CPZ: variants seen among roughly 807,000 people sequenced by gnomAD.
CPZ encodes the protein carboxypeptidase Z.
CPZ carries 103 observed loss-of-function variants against 61.8 expected under a neutral mutation model. The ratio of observed to expected loss-of-function variants is 1.67; its 90% CI spans 1.42 to 1.96. The LOEUF is 1.96. Ranked by LOEUF, CPZ falls within the 30% of genes most tolerant of loss-of-function variation. The pLI is 0.00. For synonymous variants in CPZ, 551 were observed against 373.7 expected (o/e 1.47, Z -5.47); for missense variants, 1,461 against 914.9 (o/e 1.60, Z -7.70).
intron 10 of CPZ, 24 bp from the exon 11 acceptor site, chr4:8,619,238 C>A: frequency 1.3e-6 from 2 of 1,577,412 alleles, no homozygotes; most frequent in South Asian, 1.2e-5. Flanking sequence ...TCGTGAGAAT[C>A]ATTTTTAATC....
intron 7 of CPZ, among the ~76,000 whole-genome samples, chr4:8,609,110 CCTCA>C (rs1213685888): frequency 6.3e-4 from 42 of 66,186 alleles, no homozygotes; most frequent in African/African-American, 3.7e-3. Flanking sequence ...TCACTCCCTT[CCTCA>C]CTCCCTCACT....
intron 7 of CPZ, among the ~76,000 whole-genome samples, chr4:8,608,652 G>T (rs2109330378): frequency 6.6e-6 from 1 of 152,288 alleles, no homozygotes; most frequent in South Asian, 2.1e-4. Flanking sequence ...GTGTGTGCGT[G>T]TGCATGCATG....
In CPZ at chr4:8,604,028, C is replaced by T; in HGVS notation, c.549C>T (p.Ile183=). 1.2e-6 allele frequency: 2 copies of T among 1,612,182 alleles called. No individual in the cohort carries two copies. Among genetic ancestry groups the T allele is most frequent in the Non-Finnish European group, 1.7e-6 (2 of 1,179,844 alleles). Reference sequence around the variant, plus strand: ...CCTCAGGGCTGCCGCCCACCTTCATCCGCTTCAGCCACCACTCCTACGCCC... The same window carrying T: ...CCTCAGGGCTGCCGCCCACCTTCATTCGCTTCAGCCACCACTCCTACGCCC... ...ALPSGLPPTF[I]RFSHHSYAQM... is the part of the protein sequence containing the mutation. The change falls in exon 4 of 11, where the codon ATC becomes ATT. Residue 183 remains isoleucine, a synonymous_variant. Coordinates refer to ENST00000360986, the MANE Select transcript of CPZ (RefSeq NM_001014447.3).
intron 5 of CPZ, 24 bp from the exon 6 acceptor site, chr4:8,606,713 G>A: frequency 6.2e-7 from 1 of 1,613,976 alleles, no homozygotes; most frequent in Non-Finnish European, 8.5e-7. Context: ...ACCCCACCCA[G>A]TCGGGGGTTG....
At chr4:8,618,299 G>A in intron 9 of CPZ, 130 bp from the exon 10 acceptor site, 1 of 759,062 alleles carries the variant, frequency 1.3e-6, no homozygotes, top group Non-Finnish European at 2.2e-6. Context: ...AGGGCTGGCA[G>A]AGTGGGGCTC....
chr4:8,609,563 C>T (rs1715473375), intron 7 of CPZ, among the ~76,000 whole-genome samples: 1 of 141,970 alleles, frequency 7.0e-6, no homozygotes. Flanking sequence ...CCTTGCACCC[C>T]TGTGCTCTTG....
chr4:8,593,969 C>T (rs187211040), intron 1 of CPZ, among the ~76,000 whole-genome samples: 7 of 152,272 alleles, frequency 4.6e-5, no homozygotes, highest in Admixed American at 3.9e-4. Context: ...CCCCTGAGAG[C>T]CCAGACAGTA....
intron 7 of CPZ, among the ~76,000 whole-genome samples, chr4:8,609,871 G>T (rs905275183): frequency 3.9e-5 from 6 of 152,188 alleles, no homozygotes; most frequent in African/African-American, 1.4e-4. Flanking sequence ...TTTGGCAGGG[G>T]AGCATGAGAG....
At chr4:8,618,616 T>C (rs994305643) in intron 10 of CPZ, 88 bp downstream of exon 10, 4 of 1,252,922 alleles carry the variant, frequency 3.2e-6, no homozygotes, top group Non-Finnish European at 4.5e-6. Context: ...GCACTCACAG[T>C]GTGCCCAGCC....
chr4:8,595,818 C>T (rs1346588198), intron 1 of CPZ, among the ~76,000 whole-genome samples: 2 of 152,130 alleles, frequency 1.3e-5, no homozygotes, highest in Non-Finnish European at 2.9e-5. Flanking sequence ...GGCCCTAAGC[C>T]AATAACTGGT....
chr4:8,596,207 A>G (rs929919220), intron 1 of CPZ, among the ~76,000 whole-genome samples: 2 of 152,252 alleles, frequency 1.3e-5, no homozygotes, highest in Admixed American at 6.5e-5. Flanking sequence ...GTGTGCCACC[A>G]TGCCCGGCTA....
At chr4:8,619,192 C>A (rs1716468208) in intron 10 of CPZ, 70 bp from the exon 11 acceptor site, 1 of 1,347,916 alleles carries the variant, frequency 7.4e-7, no homozygotes, top group Non-Finnish European at 1.0e-6. Context: ...CCACTCATAT[C>A]CATCACCCAT....
Position 8,608,644 on chromosome 4 carries a change from G to GTGTGTGTGTGTATGCC in CPZ, c.1227+1223_1227+1224insTGTGTGTATGCCTGTG, listed in dbSNP as rs551142694. Among the ~76,000 whole-genome samples the GTGTGTGTGTGTATGCC allele has an allele frequency of 4.5e-4, 68 of 151,624 alleles. 4 individuals carry two copies. The East Asian group carries it at 0.013, about 29-fold the overall frequency. ...CTGCAGGAGGGCTGTGAGTGCACGT[G>GTGTGTGTGTGTATGCC]TGTGCGTGTGCATGCATGTGCACAC... On this transcript the variant is annotated intron_variant, in intron 7 of 10. Transcript: ENST00000360986.
At chr4:8,608,172 G>A (rs1715211748) in intron 7 of CPZ, among the ~76,000 whole-genome samples, 1 of 146,124 alleles carries the variant, frequency 6.8e-6, no homozygotes, top group Non-Finnish European at 1.5e-5. Flanking sequence ...TGCGGATCCT[G>A]GAGCTTAGCT....
At chr4:8,617,879 C>T (rs943205400) in intron 9 of CPZ, among the ~76,000 whole-genome samples, 3 of 152,150 alleles carry the variant, frequency 2.0e-5, no homozygotes, top group Non-Finnish European at 4.4e-5. Context: ...AACGTTGGAG[C>T]TGTGGGCGTG....
At chr4:8,609,217 CACTT>C (rs1474117197) in intron 7 of CPZ, among the ~76,000 whole-genome samples, 3 of 138,158 alleles carry the variant, frequency 2.2e-5, no homozygotes, top group African/African-American at 7.8e-5. Flanking sequence ...CTTACTCATT[CACTT>C]ACTCACTCAT....
intron 8 of CPZ, among the ~76,000 whole-genome samples, chr4:8,613,395 G>A (rs527425538): frequency 5.7e-4 from 87 of 152,212 alleles, no homozygotes; most frequent in Non-Finnish European, 1.1e-3. Flanking sequence ...CTCCCAGAGT[G>A]CTGGGATTAT....
rs1246627148 is a variant in CPZ, at chr4:8,619,538, C to A, written c.1880C>A (p.Ala627Asp). 1 of 1,576,098 alleles carries A rather than the reference C, an allele frequency of 6.3e-7. No homozygotes were observed. The highest frequency in any genetic ancestry group is 1.2e-5 in the South Asian group (1 of 84,608). The change falls in exon 11 of 11, where the codon GCC becomes GAC. Residue 627 changes from alanine (A) to aspartate (D), a missense_variant. Transcript: ENST00000360986. ...CTCCGGGCGCGCAGGCAGCCCTCGG[C>A]CGACGGGAGTAAGCCCTGGTGGTGG... ...DPLRARRQPS[A>D]DGSKPWWWSY...
intron 7 of CPZ, among the ~76,000 whole-genome samples, chr4:8,608,134 C>CTCCAGCTTCCAGCT (rs200771067): frequency 0.065 from 9,192 of 140,898 alleles, 565 homozygotes; most frequent in African/African-American, 0.16. Flanking sequence ...GGGCCCCAGC[C>CTCCAGCTTCCAGCT]TCCAGCCCCC....
Sources: allele counts gnomAD v4.1 joint callset (sites outside exome capture counted in the v4.1 genomes callset), GRCh38; gene constraint gnomAD v4.1.1; transcripts MANE v1.5; gene names NCBI Gene and HGNC (gene_info 2026-07-23, HGNC 2026-07-21).